Variants in GCFC2 observed in about 807,000 individuals in gnomAD.
GCFC2 encodes the protein GC-rich sequence DNA-binding factor 2.
A neutral mutation model predicts 99.4 loss-of-function variants in GCFC2; 102 were observed. The observed-to-expected ratio is 1.03, with a 90% CI of 0.87 to 1.21. GCFC2 has a LOEUF of 1.21. Among genes scored for constraint, GCFC2 ranks in the 50% most tolerant of loss-of-function variants. The pLI is 0.00. For missense variants in GCFC2, 973 were observed against 920.9 expected, an observed-to-expected ratio of 1.06 and a Z score of -0.73; for synonymous variants, 338 against 316.8, an observed-to-expected ratio of 1.07 and a Z score of -0.71.
At chr2:75,685,303 A>G (rs141640561) in intron 11 of GCFC2, among the ~76,000 whole-genome samples, 1 of 152,256 alleles carries the variant, frequency 6.6e-6, no homozygotes, top group Non-Finnish European at 1.5e-5. Flanking sequence ...TCAAAGTACT[A>G]TCTAAACTTC....
intron 7 of GCFC2, 39 bp from the exon 8 acceptor site, chr2:75,690,758 C>G (rs747254733): frequency 3.0e-6 from 3 of 1,002,190 alleles, no homozygotes; most frequent in Non-Finnish European, 4.6e-6. Flanking sequence ...TACAAATTCT[C>G]AAAAGAAAAA....
chr2:75,711,882 C>T (rs890424107), upstream of GCFC2, among the ~76,000 whole-genome samples: 1 of 152,236 alleles, frequency 6.6e-6, no homozygotes, highest in Non-Finnish European at 1.5e-5. Flanking sequence ...CCTGTGCTGC[C>T]CGAGCATCCC....
At chr2:75,706,077 T>A (rs1680850219) in intron 2 of GCFC2, among the ~76,000 whole-genome samples, 1 of 152,252 alleles carries the variant, frequency 6.6e-6, no homozygotes, top group Admixed American at 6.5e-5. Context: ...AAGCCCTGTA[T>A]AATCTGACTC....
intron 4 of GCFC2, among the ~76,000 whole-genome samples, chr2:75,697,347 A>C (rs1680372034): frequency 6.6e-6 from 1 of 152,208 alleles, no homozygotes; most frequent in South Asian, 2.1e-4. Flanking sequence ...TTCAGTTCTC[A>C]CCAAGCCTCC....
intron 12 of GCFC2, among the ~76,000 whole-genome samples, 181 bp downstream of exon 12, chr2:75,680,012 T>A (rs1257751555): frequency 7.4e-6 from 1 of 135,270 alleles, no homozygotes; most frequent in Non-Finnish European, 1.5e-5. Flanking sequence ...TTTAAAAAAT[T>A]TTTTTTTCAT....
intron 11 of GCFC2, among the ~76,000 whole-genome samples, chr2:75,682,626 G>T (rs1026650275): frequency 2.6e-5 from 4 of 151,768 alleles, no homozygotes; most frequent in Non-Finnish European, 5.9e-5. Flanking sequence ...GCTTCAGAAG[G>T]TGGGTAATAA....
intron 12 of GCFC2, among the ~76,000 whole-genome samples, chr2:75,674,746 T>C (rs1679266806): frequency 6.6e-6 from 1 of 152,226 alleles, no homozygotes; most frequent in South Asian, 2.1e-4. Context: ...AACTGAATTA[T>C]CCATAAATGT....
rs557811672 is a variant in GCFC2 at position 75,671,870 on chromosome 2, A to G, written c.1956+80T>C. The stretch of plus-strand genomic sequence containing the variant: ...CTAAAATACTATCTAATTCTTATAG[A>G]AGAAGTTTGTTGTTCTTTGTTCTAT... On this transcript the variant is annotated intron_variant, in intron 14 of 16. Transcript: ENST00000321027. The G allele has an allele frequency of 3.6e-5, 25 of 689,148 alleles. 1 individual carries two copies. Among genetic ancestry groups the G allele is most frequent in the Admixed American group, 1.5e-4 (8 of 52,142 alleles). 42.7% of individuals were successfully genotyped at this position (689,148 alleles called of 1,614,324 possible).
chr2:75,698,870 G>T (rs1270180248), intron 4 of GCFC2, among the ~76,000 whole-genome samples: 3 of 152,028 alleles, frequency 2.0e-5, no homozygotes, highest in African/African-American at 7.2e-5. Flanking sequence ...AAATCAGTCA[G>T]GCATGGTGGT....
Position 75,708,760 on chromosome 2 carries a change from C to T in GCFC2, c.265+1831G>A, listed in dbSNP as rs151153703. 1.9e-3 allele frequency among the ~76,000 whole-genome samples: 284 copies of T among 152,062 alleles called. 7 individuals carry two copies. The East Asian group carries it at 0.049, about 26-fold the overall frequency. On this transcript the variant is annotated intron_variant, in intron 1 of 16. Coordinates refer to ENST00000321027, the MANE Select transcript of GCFC2 (RefSeq NM_003203.5). ...TCCTGATCTCTTGATACACCTGCCTCGGCCTCCTAAAGTGCTGGGATTACA... is the reference window on the plus strand; with the variant it reads ...TCCTGATCTCTTGATACACCTGCCTTGGCCTCCTAAAGTGCTGGGATTACA...
Position 75,710,630 on chromosome 2 carries a change from G to C in GCFC2, c.226C>G (p.Arg76Gly). ...GRGRVWASSR[R>G]ATKAAPRADE... is the part of the protein sequence containing the mutation. ...GCGCGGGGAGCCGCTTTGGTGGCACGCCGGGAGCTCGCCCAGACCCGGCCC... is the reference window on the plus strand; with the variant it reads ...GCGCGGGGAGCCGCTTTGGTGGCACCCCGGGAGCTCGCCCAGACCCGGCCC... Residue 76 changes from arginine (R) to glycine (G), a missense_variant, in exon 1 of 17, where the codon CGT becomes GGT. Arg to Gly is a moderately radical substitution (Grantham distance 125). Transcript: ENST00000321027. The C allele has an allele frequency of 6.6e-7, 1 of 1,515,450 alleles. No individual in the cohort carries two copies. The highest frequency in any genetic ancestry group is 8.8e-7 in the Non-Finnish European group (1 of 1,138,708). 93.9% of individuals were successfully genotyped at this position (1,515,450 alleles called of 1,614,324 possible). A position where few individuals can be genotyped will look rare whatever the true frequency, so the allele number is the denominator to read the frequency against.
chr2:75,674,471 T>TAACTTA (rs1296040222), intron 12 of GCFC2, among the ~76,000 whole-genome samples: 4 of 152,134 alleles, frequency 2.6e-5, no homozygotes, highest in African/African-American at 9.7e-5. Flanking sequence ...AGTAGTATAC[T>TAACTTA]AACTTACATG....
At position 75,702,722 on chromosome 2, in the gene GCFC2, C is replaced by T. The variant is rs187987663; in HGVS notation, c.395-299G>A. ...GGTACTGCTCACTTTGTTGAGGGGT[C>T]GCTATTTCTCATTTCTGGAAGCTCT... is the stretch of plus-strand genomic sequence containing the variant. On this transcript the variant is annotated intron_variant, in intron 2 of 16. Coordinates refer to ENST00000321027, the MANE Select transcript of GCFC2 (RefSeq NM_003203.5). Among the ~76,000 whole-genome samples the T allele has an allele frequency of 1.2e-4, 19 of 152,190 alleles. No individual in the cohort carries two copies. In the East Asian group the frequency reaches 3.7e-3, roughly 29 times the overall value.
At chr2:75,694,127 T>C in intron 6 of GCFC2, 114 bp downstream of exon 6, 2 of 395,936 alleles carry the variant, frequency 5.1e-6, no homozygotes, top group Non-Finnish European at 8.9e-6. Flanking sequence ...ATTTTAAAAA[T>C]GTGTAGGAAA....
intron 2 of GCFC2, among the ~76,000 whole-genome samples, chr2:75,704,245 G>A (rs573554210): frequency 1.3e-5 from 2 of 152,280 alleles, no homozygotes; most frequent in East Asian, 1.9e-4. Flanking sequence ...GGGCTGAGAG[G>A]TAAATTATCA....
rs764345529 is a variant in GCFC2 at position 75,701,254 on chromosome 2, T to C, written c.653A>G (p.Gln218Arg). 2 of 1,608,108 alleles carry C rather than the reference T, an allele frequency of 1.2e-6. No homozygotes were observed. The highest frequency in any genetic ancestry group is 1.7e-6 in the Non-Finnish European group (2 of 1,174,628). Residue 218 changes from glutamine (Q) to arginine (R), a missense_variant, in exon 4 of 17, where the codon CAG becomes CGG. Coordinates refer to ENST00000321027, the MANE Select transcript of GCFC2 (RefSeq NM_003203.5). ...SRNEETSEESQEDEKQDTWEQ... is the reference protein window; with the variant it reads ...SRNEETSEESREDEKQDTWEQ... ...CCAAGTATCTTGCTTTTCATCTTCCTGACTTTCTTCACTTGTTTCTTCATT... is the reference window on the plus strand; with the variant it reads ...CCAAGTATCTTGCTTTTCATCTTCCCGACTTTCTTCACTTGTTTCTTCATT...
intron 2 of GCFC2, among the ~76,000 whole-genome samples, chr2:75,706,209 A>C (rs536530699): frequency 1.1e-4 from 17 of 152,282 alleles, no homozygotes; most frequent in Admixed American, 8.5e-4. Flanking sequence ...GCTACATCCT[A>C]TACCTGAAAC....
chr2:75,683,690 C>T (rs182540717), intron 11 of GCFC2, among the ~76,000 whole-genome samples: 70 of 138,852 alleles, frequency 5.0e-4, no homozygotes, highest in African/African-American at 1.8e-3. Context: ...GTGCTGTATT[C>T]AGGAGACCCA....
chr2:75,668,210 T>C (rs544618354), intron 15 of GCFC2, among the ~76,000 whole-genome samples: 15 of 152,282 alleles, frequency 9.9e-5, no homozygotes, highest in African/African-American at 3.6e-4. Flanking sequence ...TAAAAAACTT[T>C]CCAAGACTTT....
Sources: gnomAD v4.1 joint callset for allele counts (sites outside exome capture counted in the v4.1 genomes callset) on GRCh38, gnomAD v4.1.1 for gene constraint, MANE v1.5 for transcripts, NCBI Gene and HGNC (gene_info 2026-07-23, HGNC 2026-07-21) for gene names.